The following BBS9 variants were observed in gnomAD, a reference collection of about 807,000 sequenced individuals.
BBS9 encodes the protein Bardet-Biedl syndrome 9.
Under a neutral mutation model 117.7 loss-of-function variants are expected in BBS9, and 89 were observed. The ratio of observed to expected loss-of-function variants is 0.76; its 90% CI spans 0.64 to 0.90. The LOEUF (loss-of-function observed/expected upper bound fraction) is 0.90, where lower values mean the gene tolerates loss of function less well. Ranked by LOEUF, BBS9 falls within the 40% of genes least tolerant of loss-of-function variation. The pLI, the probability that BBS9 is intolerant of heterozygous loss-of-function variation, is 0.00. For missense variants in BBS9, 982 were observed against 1,042.2 expected (o/e 0.94, Z 0.80); for synonymous variants, 379 against 370.9 (o/e 1.02, Z -0.25).
chr7:33,577,903 G>A (rs1399119003), intron 21 of BBS9, among the ~76,000 whole-genome samples: 4 of 152,112 alleles, frequency 2.6e-5, no homozygotes, highest in African/African-American at 7.2e-5. Flanking sequence ...GGCCTGATGG[G>A]GGATTGAGGA....
At chr7:33,450,869 T>TTTTTTTTGTTTTTTTG (rs200644662) in intron 19 of BBS9, among the ~76,000 whole-genome samples, 2 of 150,926 alleles carry the variant, frequency 1.3e-5, no homozygotes, top group Non-Finnish European at 2.9e-5. Flanking sequence ...CAGAAGTTTT[T>TTTTTTTTGTTTTTTTG]TTTTTTTGTT....
intron 19 of BBS9, among the ~76,000 whole-genome samples, chr7:33,443,613 C>G (rs571454674): frequency 1.8e-4 from 27 of 152,160 alleles, no homozygotes; most frequent in Non-Finnish European, 3.7e-4. Flanking sequence ...ATCCCTATTA[C>G]ACATAAGCGT....
intron 19 of BBS9, among the ~76,000 whole-genome samples, chr7:33,486,817 G>A (rs536113735): frequency 6.6e-6 from 1 of 152,292 alleles, no homozygotes; most frequent in South Asian, 2.1e-4. Context: ...GTGAAAAGGG[G>A]AATTCTCAGG....
At chr7:33,388,319 G>T (rs897006237) in intron 19 of BBS9, among the ~76,000 whole-genome samples, 175 bp downstream of exon 19, 3 of 152,190 alleles carry the variant, frequency 2.0e-5, no homozygotes, top group African/African-American at 7.2e-5. Flanking sequence ...AAACTCTGCT[G>T]CTTTCTAATT....
chr7:33,478,825 T>C (rs949063780), intron 19 of BBS9, among the ~76,000 whole-genome samples: 2 of 151,424 alleles, frequency 1.3e-5, no homozygotes, highest in Admixed American at 1.3e-4. Context: ...AAACAGTCAA[T>C]ATAGTTTGTT....
chr7:33,280,911 G>T (rs11981391), intron 9 of BBS9, among the ~76,000 whole-genome samples: 51,723 of 78,860 alleles, frequency 0.66, 16,231 homozygotes, highest in Admixed American at 0.74. Context: ...TGTCGTTTTT[G>T]TTTTTTTTTT....
chr7:33,135,768 G>T (rs999882028), intron 1 of BBS9, among the ~76,000 whole-genome samples: 1 of 152,194 alleles, frequency 6.6e-6, no homozygotes, highest in Non-Finnish European at 1.5e-5. Flanking sequence ...ATTGATTTGG[G>T]AAGTATTGCC....
At chr7:33,526,920 G>A (rs1849610758) in intron 20 of BBS9, among the ~76,000 whole-genome samples, 1 of 148,894 alleles carries the variant, frequency 6.7e-6, no homozygotes. Context: ...GTACAGATGG[G>A]TTTTTGGTGT....
At chr7:33,549,821 A>C (rs1854070752) in intron 21 of BBS9, among the ~76,000 whole-genome samples, 2 of 152,276 alleles carry the variant, frequency 1.3e-5, no homozygotes, top group Middle Eastern at 6.8e-3. Context: ...TATTCTTAAA[A>C]ATTGCATCGA....
intron 6 of BBS9, among the ~76,000 whole-genome samples, chr7:33,257,772 G>T (rs755730462): frequency 5.9e-5 from 9 of 152,086 alleles, no homozygotes; most frequent in Non-Finnish European, 1.3e-4. Context: ...TATTGTGATT[G>T]TTCCTTGATA....
rs551345215 is a variant in BBS9, at chr7:33,352,474, A to G, written c.1538-385A>G. Reference sequence around the variant, plus strand: ...AGGAACTGGATTGACTTTAAAGGGGAAAGTTAAAAGAAAATAAATTCAAAA... The same window carrying G: ...AGGAACTGGATTGACTTTAAAGGGGGAAGTTAAAAGAAAATAAATTCAAAA... On this transcript the variant is annotated intron_variant, in intron 14 of 22. Coordinates refer to ENST00000242067, the MANE Select transcript of BBS9 (RefSeq NM_198428.3). 2.0e-5 allele frequency among the ~76,000 whole-genome samples: 3 copies of G among 152,286 alleles called. No homozygotes were observed. In the South Asian group the frequency reaches 6.2e-4, roughly 32 times the overall value.
At chr7:33,236,528 CCTGT>C (rs1203523381) in intron 5 of BBS9, among the ~76,000 whole-genome samples, 1 of 151,650 alleles carries the variant, frequency 6.6e-6, no homozygotes, top group African/African-American at 2.4e-5. Flanking sequence ...ATATACTATG[CCTGT>C]CTTTCTATGG....
intron 9 of BBS9, among the ~76,000 whole-genome samples, chr7:33,325,085 C>T (rs1458490011): frequency 5.9e-5 from 9 of 152,194 alleles, no homozygotes; most frequent in Non-Finnish European, 1.0e-4. Flanking sequence ...TTTGTCTCTA[C>T]CTGCTCTTTA....
chr7:33,275,987 T>A (rs1800697943), intron 9 of BBS9, among the ~76,000 whole-genome samples: 2 of 152,174 alleles, frequency 1.3e-5, no homozygotes, highest in Admixed American at 1.3e-4. Flanking sequence ...CCTTCCTATT[T>A]CTCATAGCTT....
chr7:33,610,148 A>G (rs983831412), downstream of BBS9, among the ~76,000 whole-genome samples: 4 of 152,144 alleles, frequency 2.6e-5, no homozygotes, highest in African/African-American at 9.7e-5. Context: ...GGAGAGAGTG[A>G]GCGAGCGAGA....
intron 20 of BBS9, among the ~76,000 whole-genome samples, chr7:33,515,639 CATTA>C (rs2129032993): frequency 6.6e-6 from 1 of 152,326 alleles, no homozygotes; most frequent in South Asian, 2.1e-4. Context: ...CTACATGATA[CATTA>C]ATTAATTAAA....
At chr7:33,508,095 G>T (rs1264167928) in intron 20 of BBS9, among the ~76,000 whole-genome samples, 1 of 152,150 alleles carries the variant, frequency 6.6e-6, no homozygotes, top group African/African-American at 2.4e-5. Flanking sequence ...TTTGTAGCTT[G>T]TACTTACACA....
At chr7:33,491,569 C>T (rs1234264253) in intron 19 of BBS9, among the ~76,000 whole-genome samples, 1 of 152,110 alleles carries the variant, frequency 6.6e-6, no homozygotes, top group East Asian at 1.9e-4. Flanking sequence ...TTGTTGAGCC[C>T]TACTGTGTGT....
At chr7:33,564,039 C>A (rs899325950) in intron 21 of BBS9, among the ~76,000 whole-genome samples, 1 of 104,478 alleles carries the variant, frequency 9.6e-6, no homozygotes, top group Non-Finnish European at 1.7e-5. Flanking sequence ...TTCATCAATT[C>A]TTTAAAAAAA....
Sources: allele counts gnomAD v4.1 joint callset (sites outside exome capture counted in the v4.1 genomes callset), GRCh38; gene constraint gnomAD v4.1.1; transcripts MANE v1.5; gene names NCBI Gene and HGNC (gene_info 2026-07-23, HGNC 2026-07-21).